Variants in PACRG observed in about 807,000 individuals in gnomAD.
PACRG encodes the protein parkin coregulated, also known as parkin coregulated gene protein.
In PACRG, 29 loss-of-function variants were observed where a neutral mutation model predicts 29.7. That is an observed-to-expected ratio of 0.98 (90% CI 0.73 to 1.33). The LOEUF is 1.33. Ranked by LOEUF, PACRG falls within the 40% of genes most tolerant of loss-of-function variation. The pLI is 0.00. For missense variants in PACRG, 279 were observed against 316.2 expected, an observed-to-expected ratio of 0.88 and a Z score of 0.89; for synonymous variants, 116 against 118.7, an observed-to-expected ratio of 0.98 and a Z score of 0.15.
intron 4 of PACRG, among the ~76,000 whole-genome samples, chr6:163,220,386 C>T (rs1018171505): frequency 4.6e-5 from 7 of 152,204 alleles, no homozygotes; most frequent in African/African-American, 1.7e-4. Flanking sequence ...GAAGGACTGA[C>T]TGCTAAGCGG....
intron 2 of PACRG, among the ~76,000 whole-genome samples, chr6:163,037,725 G>A (rs1016210372): frequency 2.0e-5 from 3 of 152,124 alleles, no homozygotes; most frequent in Non-Finnish European, 4.4e-5. Context: ...CAGCACAGAC[G>A]CATGTGCACA....
intron 2 of PACRG, among the ~76,000 whole-genome samples, chr6:162,883,249 G>C (rs1369077005): frequency 6.6e-6 from 1 of 151,872 alleles, no homozygotes; most frequent in East Asian, 1.9e-4. Context: ...TACGTAAACT[G>C]TCTGGCACAT....
At chr6:162,977,951 C>T (rs987699812) in intron 2 of PACRG, among the ~76,000 whole-genome samples, 1 of 152,008 alleles carries the variant, frequency 6.6e-6, no homozygotes, top group Non-Finnish European at 1.5e-5. Context: ...CAAGACCAGC[C>T]TGGCCAACAT....
Position 162,797,066 on chromosome 6 carries a change from C to G in PACRG, c.157-17081C>G, listed in dbSNP as rs138621558. Among the ~76,000 whole-genome samples, 416 of 152,338 alleles carry G rather than the reference C, an allele frequency of 2.7e-3. 3 individuals are homozygous for G. The highest frequency in any genetic ancestry group is 9.6e-3 in the African/African-American group (398 of 41,580). On this transcript the variant is annotated intron_variant, in intron 1 of 4. Coordinates refer to ENST00000366888, the MANE Select transcript of PACRG (RefSeq NM_001080379.2). Reference sequence around the variant, plus strand: ...CCAAGGCAGGCAGATCAACTGAGGTCAGGAGTTCGAGACCAGACTGGCCAA... The same window carrying G: ...CCAAGGCAGGCAGATCAACTGAGGTGAGGAGTTCGAGACCAGACTGGCCAA...
chr6:163,103,443 G>A (rs536201410), intron 4 of PACRG, among the ~76,000 whole-genome samples: 3 of 152,190 alleles, frequency 2.0e-5, no homozygotes, highest in Admixed American at 6.5e-5. Context: ...CTGCTTTCAA[G>A]GGCTCGTGTG....
At chr6:163,201,668 G>T (rs866999888) in intron 4 of PACRG, among the ~76,000 whole-genome samples, 34 of 152,336 alleles carry the variant, frequency 2.2e-4, no homozygotes, top group Middle Eastern at 6.8e-3. Flanking sequence ...CCAAGGAGGG[G>T]GCAGGATGCA....
rs904366480 is a variant in PACRG, at chr6:163,315,190, A to G, written c.*203A>G. On this transcript the variant is annotated 3_prime_UTR_variant, in exon 5 of 5. Coordinates refer to ENST00000366888, the MANE Select transcript of PACRG (RefSeq NM_001080379.2). ...AATAGTGTCTGTTTCTTAGATTACA[A>G]TAGTGTACTGTGCTTATTTGTTCTA... 3 of 562,304 alleles carry G rather than the reference A, an allele frequency of 5.3e-6. No homozygotes were observed. Among genetic ancestry groups the G allele is most frequent in the Non-Finnish European group, 9.2e-6 (3 of 326,854 alleles). 34.8% of individuals were successfully genotyped at this position (562,304 alleles called of 1,614,324 possible).
chr6:162,844,234 G>C (rs1227800887), intron 2 of PACRG, among the ~76,000 whole-genome samples: 1 of 152,060 alleles, frequency 6.6e-6, no homozygotes, highest in African/African-American at 2.4e-5. Flanking sequence ...AGACTGCTGT[G>C]CTAGCAACCA....
chr6:162,812,188 T>C (rs1226432370), intron 1 of PACRG, among the ~76,000 whole-genome samples: 2 of 152,160 alleles, frequency 1.3e-5, no homozygotes, highest in Non-Finnish European at 2.9e-5. Context: ...TATTGTGATA[T>C]AGTATCACAG....
intron 2 of PACRG, among the ~76,000 whole-genome samples, chr6:162,870,569 A>G (rs1299823203): frequency 2.0e-5 from 3 of 151,702 alleles, no homozygotes; most frequent in African/African-American, 7.3e-5. Flanking sequence ...GTTATTCCTG[A>G]CCCCCTTCCC....
intron 1 of PACRG, among the ~76,000 whole-genome samples, chr6:162,758,728 C>T (rs997806852): frequency 2.6e-4 from 39 of 152,206 alleles, no homozygotes; most frequent in African/African-American, 9.1e-4. Flanking sequence ...GTGTATGCCT[C>T]CTGGGGCTAT....
intron 4 of PACRG, among the ~76,000 whole-genome samples, chr6:163,245,989 C>T (rs1295185752): frequency 6.6e-6 from 1 of 152,158 alleles, no homozygotes; most frequent in Admixed American, 6.5e-5. Context: ...CCCCTCAGCG[C>T]CTCCACCTCT....
chr6:162,787,824 ATT>A (rs35107188), intron 1 of PACRG, among the ~76,000 whole-genome samples: 1 of 150,038 alleles, frequency 6.7e-6, no homozygotes, highest in Non-Finnish European at 1.5e-5. Context: ...CTGTCCTCTA[ATT>A]TTTTTTTGAA....
chr6:163,127,811 T>G (rs926613822), intron 4 of PACRG, among the ~76,000 whole-genome samples: 2 of 152,172 alleles, frequency 1.3e-5, no homozygotes, highest in Non-Finnish European at 2.9e-5. Context: ...TAGCTCAGAG[T>G]GCACAGTTTA....
intron 2 of PACRG, among the ~76,000 whole-genome samples, chr6:162,973,112 G>A (rs141265577): frequency 1.8e-4 from 27 of 152,292 alleles, no homozygotes; most frequent in African/African-American, 4.1e-4. Context: ...TTCCTAGTAC[G>A]GTAAAGTGAT....
At chr6:163,149,584 C>T (rs1016915112) in intron 4 of PACRG, among the ~76,000 whole-genome samples, 30 of 152,116 alleles carry the variant, frequency 2.0e-4, no homozygotes, top group Non-Finnish European at 2.9e-4. Flanking sequence ...TCCGACTCCC[C>T]GACCCCGCGA....
chr6:163,209,994 C>T (rs191164128), intron 4 of PACRG, among the ~76,000 whole-genome samples: 9 of 152,280 alleles, frequency 5.9e-5, no homozygotes, highest in Admixed American at 1.3e-4. Flanking sequence ...CATCAAACCA[C>T]GCCTGTTGGG....
chr6:162,936,125 A>T (rs1357783529), intron 2 of PACRG, among the ~76,000 whole-genome samples: 1 of 152,180 alleles, frequency 6.6e-6, no homozygotes, highest in Non-Finnish European at 1.5e-5. Flanking sequence ...AGTCAAGCTA[A>T]AGGGGTTTCC....
At chr6:162,837,186 A>G (rs1789301970) in intron 2 of PACRG, among the ~76,000 whole-genome samples, 3 of 152,136 alleles carry the variant, frequency 2.0e-5, no homozygotes, top group Admixed American at 2.0e-4. Flanking sequence ...CTGCGTAGAT[A>G]GTGGGGGAGA....
Sources: allele counts gnomAD v4.1 joint callset (sites outside exome capture counted in the v4.1 genomes callset), GRCh38; gene constraint gnomAD v4.1.1; transcripts MANE v1.5; gene names NCBI Gene and HGNC (gene_info 2026-07-23, HGNC 2026-07-21).